XKR6: variants seen among roughly 807,000 people sequenced by gnomAD.
XKR6 encodes the protein XK-related protein 6.
Under a neutral mutation model 56.7 loss-of-function variants are expected in XKR6, and 22 were observed. The ratio of observed to expected loss-of-function variants is 0.39; its 90% CI spans 0.28 to 0.55. The LOEUF is 0.55. Among genes scored for constraint, XKR6 ranks in the 20% least tolerant of loss-of-function variants. XKR6 has a pLI of 0.66. For missense variants in XKR6, 852 were observed against 889.0 expected (o/e 0.96, Z 0.53); for synonymous variants, 524 against 387.8 (o/e 1.35, Z -4.13).
chr8:11,009,238 T>A (rs931852231), intron 1 of XKR6, among the ~76,000 whole-genome samples: 2 of 152,162 alleles, frequency 1.3e-5, no homozygotes, highest in African/African-American at 4.8e-5. Context: ...TGGCCGGGCA[T>A]GGTGACTCAC....
At chr8:10,950,874 C>A (rs920405602) in intron 1 of XKR6, among the ~76,000 whole-genome samples, 10 of 152,170 alleles carry the variant, frequency 6.6e-5, no homozygotes, top group African/African-American at 2.4e-4. Context: ...TCACAATTGC[C>A]CATTGCACAG....
At chr8:11,116,234 C>T (rs758592389) in intron 1 of XKR6, among the ~76,000 whole-genome samples, 5 of 152,186 alleles carry the variant, frequency 3.3e-5, no homozygotes, top group African/African-American at 4.8e-5. Context: ...TCATAGGAAG[C>T]TTCAGAGAAA....
intron 2 of XKR6, among the ~76,000 whole-genome samples, chr8:10,919,562 G>A (rs1768343393): frequency 6.6e-6 from 1 of 152,200 alleles, no homozygotes; most frequent in African/African-American, 2.4e-5. Context: ...GATGCACTGT[G>A]GAGGTGCATG....
At chr8:10,987,531 C>T (rs1177083962) in intron 1 of XKR6, among the ~76,000 whole-genome samples, 1 of 152,194 alleles carries the variant, frequency 6.6e-6, no homozygotes, top group Non-Finnish European at 1.5e-5. Context: ...TATGCACAAA[C>T]CAACCCCTAT....
intron 1 of XKR6, among the ~76,000 whole-genome samples, chr8:11,176,578 A>T (rs1802667870): frequency 6.6e-6 from 1 of 152,166 alleles, no homozygotes; most frequent in Non-Finnish European, 1.5e-5. Flanking sequence ...CCTAAATATT[A>T]AGATACTGCT....
At chr8:10,990,362 AG>A (rs1167328342) in intron 1 of XKR6, among the ~76,000 whole-genome samples, 2 of 152,134 alleles carry the variant, frequency 1.3e-5, no homozygotes. Flanking sequence ...CTGGTCCCAA[AG>A]GGAGCTGTCC....
chr8:10,974,125 G>A (rs1047819609), intron 1 of XKR6, among the ~76,000 whole-genome samples: 1 of 152,220 alleles, frequency 6.6e-6, no homozygotes, highest in African/African-American at 2.4e-5. Flanking sequence ...TTGGCTCTGT[G>A]AGGAGATGGT....
At chr8:10,992,468 A>C (rs955839116) in intron 1 of XKR6, among the ~76,000 whole-genome samples, 1 of 152,142 alleles carries the variant, frequency 6.6e-6, no homozygotes, top group African/African-American at 2.4e-5. Context: ...TCATCAGCTC[A>C]CTGGCACTGC....
intron 1 of XKR6, among the ~76,000 whole-genome samples, chr8:11,164,323 G>C (rs1801964025): frequency 6.6e-6 from 1 of 152,204 alleles, no homozygotes; most frequent in Non-Finnish European, 1.5e-5. Flanking sequence ...GTACTCGCTA[G>C]ACTTTTTCCT....
Position 11,201,533 on chromosome 8 carries a change from CG to C in XKR6, c.-195del, listed in dbSNP as rs1804247710. Among the ~76,000 whole-genome samples, 1 of 152,102 alleles carries C rather than the reference CG, an allele frequency of 6.6e-6. No individual in the cohort carries two copies. Among genetic ancestry groups the C allele is most frequent in the East Asian group, 1.9e-4 (1 of 5,146 alleles). ...CCGGGTAGTTGGCGTCACTTCCGGGCGAGCCCCCCAATCGCACGGCGCCCGC... is the reference window on the plus strand; with the variant it reads ...CCGGGTAGTTGGCGTCACTTCCGGGCAGCCCCCCAATCGCACGGCGCCCGC... On this transcript the variant is annotated 5_prime_UTR_variant, in exon 1 of 3. Coordinates refer to ENST00000416569, the MANE Select transcript of XKR6 (RefSeq NM_173683.4).
intron 1 of XKR6, among the ~76,000 whole-genome samples, chr8:11,061,847 A>T (rs1799843619): frequency 6.6e-6 from 1 of 152,160 alleles, no homozygotes; most frequent in African/African-American, 2.4e-5. Context: ...CGAGGACATC[A>T]CTGGAGGCTG....
At chr8:11,009,927 A>C (rs367764815) in intron 1 of XKR6, among the ~76,000 whole-genome samples, 3 of 152,344 alleles carry the variant, frequency 2.0e-5, no homozygotes, top group African/African-American at 7.2e-5. Flanking sequence ...TATAAATCTA[A>C]AACTGTTCTA....
At chr8:11,154,527 G>A (rs1801417990) in intron 1 of XKR6, among the ~76,000 whole-genome samples, 1 of 152,154 alleles carries the variant, frequency 6.6e-6, no homozygotes, top group Non-Finnish European at 1.5e-5. Context: ...ACAGCTTTCA[G>A]TGAGTTCTAT....
chr8:11,078,478 A>G (rs184227568), intron 1 of XKR6, among the ~76,000 whole-genome samples: 472 of 152,172 alleles, frequency 3.1e-3, no homozygotes, highest in African/African-American at 0.011. Context: ...TGCTGACCCC[A>G]CGTGAGGCAA....
In XKR6 at chr8:11,049,315, C is replaced by T. The variant is rs146138689; in HGVS notation, c.765-124485G>A. Among the ~76,000 whole-genome samples, 366 of 152,330 alleles carry T rather than the reference C, an allele frequency of 2.4e-3. 1 individual carries two copies. The highest frequency in any genetic ancestry group is 8.6e-3 in the African/African-American group (358 of 41,576). On this transcript the variant is annotated intron_variant, in intron 1 of 2. Transcript: ENST00000416569. The stretch of plus-strand genomic sequence containing the variant: ...GAGTAGCCAAAACCTCTATCTGTTC[C>T]CCCTTTTCTCAGGACATGACCCGGC...
At chr8:11,058,903 G>A (rs1184333822) in intron 1 of XKR6, among the ~76,000 whole-genome samples, 2 of 152,208 alleles carry the variant, frequency 1.3e-5, no homozygotes, top group Admixed American at 1.3e-4. Context: ...TAGAAAACGC[G>A]AAGGTGTACA....
intron 1 of XKR6, among the ~76,000 whole-genome samples, chr8:10,970,805 TA>T (rs34166964): frequency 0.18 from 24,537 of 133,058 alleles, 2,212 homozygotes; most frequent in Middle Eastern, 0.25. Flanking sequence ...AAAGGATCCT[TA>T]AAAAAAAAAA....
At chr8:11,038,770 G>A (rs1483931586) in intron 1 of XKR6, among the ~76,000 whole-genome samples, 2 of 151,986 alleles carry the variant, frequency 1.3e-5, no homozygotes, top group Non-Finnish European at 2.9e-5. Flanking sequence ...AGGACTTCTA[G>A]GCTCAAGTGA....
chr8:11,059,336 G>A (rs1181683874), intron 1 of XKR6, among the ~76,000 whole-genome samples: 1 of 152,240 alleles, frequency 6.6e-6, no homozygotes, highest in Non-Finnish European at 1.5e-5. Context: ...AAAGGTATGA[G>A]CGCCCCGGAG....
Sources: allele counts gnomAD v4.1 joint callset (sites outside exome capture counted in the v4.1 genomes callset), GRCh38; gene constraint gnomAD v4.1.1; transcripts MANE v1.5; gene names NCBI Gene and HGNC (gene_info 2026-07-23, HGNC 2026-07-21).